NYAP2: variants seen among roughly 807,000 people sequenced by gnomAD.
NYAP2 encodes neuronal tyrosine-phosphorylated phosphoinositide-3-kinase adapter 2.
NYAP2 carries 23 observed loss-of-function variants against 50.4 expected under a neutral mutation model. That is an observed-to-expected ratio of 0.46 (90% CI 0.33 to 0.65). The LOEUF is 0.65. Among genes scored for constraint, NYAP2 ranks in the 30% least tolerant of loss-of-function variants. NYAP2 has a pLI of 0.02. For synonymous variants in NYAP2, 394 were observed against 365.2 expected, an observed-to-expected ratio of 1.08 and a Z score of -0.90; for missense variants, 885 against 861.0, an observed-to-expected ratio of 1.03 and a Z score of -0.35.
chr2:225,421,952 GT>G (rs990147029), intron 3 of NYAP2, among the ~76,000 whole-genome samples: 1 of 151,746 alleles, frequency 6.6e-6, no homozygotes, highest in Non-Finnish European at 1.5e-5. Context: ...TTCTTGATTT[GT>G]TTTTTTCTTC....
intron 4 of NYAP2, among the ~76,000 whole-genome samples, chr2:225,525,082 A>C (rs1194248749): frequency 1.3e-5 from 2 of 152,198 alleles, no homozygotes; most frequent in Non-Finnish European, 2.9e-5. Context: ...AAGTTAAAAA[A>C]TGGATGTTGG....
chr2:225,597,614 T>C (rs1692628225), intron 5 of NYAP2, among the ~76,000 whole-genome samples: 1 of 147,616 alleles, frequency 6.8e-6, no homozygotes, highest in Admixed American at 6.9e-5. Context: ...TGTGCTGCTA[T>C]AAACATGTGT....
chr2:225,656,440 C>T (rs962508751), downstream of NYAP2, among the ~76,000 whole-genome samples: 4 of 152,198 alleles, frequency 2.6e-5, no homozygotes, highest in African/African-American at 4.8e-5. Context: ...CCCCTGGCCT[C>T]TCACCAAGCT....
At chr2:225,401,136 TAGTTAGGGATACTTAATGCTGA>T (rs899714062) in intron 2 of NYAP2, 93 bp downstream of exon 2, 1 of 152,498 alleles carries the variant, frequency 6.6e-6, no homozygotes, top group African/African-American at 2.4e-5. Flanking sequence ...GAATGGATTT[TAGTTAGGGATACTTAATGCTGA>T]AGTTTGCATG....
At chr2:225,525,518 A>C (rs1691135485) in intron 4 of NYAP2, among the ~76,000 whole-genome samples, 1 of 152,120 alleles carries the variant, frequency 6.6e-6, no homozygotes, top group Non-Finnish European at 1.5e-5. Flanking sequence ...ATAACTCAGA[A>C]ACAGGAAGTC....
intron 3 of NYAP2, among the ~76,000 whole-genome samples, chr2:225,476,857 T>C (rs1690116938): frequency 6.6e-6 from 1 of 152,214 alleles, no homozygotes; most frequent in African/African-American, 2.4e-5. Flanking sequence ...AGTTTCAGTA[T>C]GTTACCTTTG....
chr2:225,542,954 G>T (rs569879096), intron 4 of NYAP2, among the ~76,000 whole-genome samples: 3 of 151,926 alleles, frequency 2.0e-5, no homozygotes, highest in Non-Finnish European at 4.4e-5. Flanking sequence ...CTTGCAATTC[G>T]TCTGTTCAGT....
In NYAP2 at chr2:225,521,485, G is replaced by C. The variant is rs556452842; in HGVS notation, c.523+7813G>C. ...TTTATTGAGAGTTTTTAGCATGAAG[G>C]GTTGTTGAATTTTGTCGAAGGCCTT... On this transcript the variant is annotated intron_variant, in intron 4 of 6. Transcript: ENST00000636099. Among the ~76,000 whole-genome samples, 55 of 151,984 alleles carry C rather than the reference G, an allele frequency of 3.6e-4. 1 individual carries two copies. In the South Asian group the frequency reaches 7.9e-3, roughly 22 times the overall value.
At chr2:225,436,903 G>A (rs529496141) in intron 3 of NYAP2, among the ~76,000 whole-genome samples, 2 of 152,102 alleles carry the variant, frequency 1.3e-5, no homozygotes, top group Admixed American at 6.5e-5. Flanking sequence ...CCATATCAGA[G>A]CCTCATTCCT....
intron 5 of NYAP2, among the ~76,000 whole-genome samples, chr2:225,615,638 C>T (rs914007560): frequency 6.6e-6 from 1 of 152,118 alleles, no homozygotes; most frequent in Non-Finnish European, 1.5e-5. Context: ...GGTGTAGGTA[C>T]TCCCGATGCA....
chr2:225,620,970 C>T (rs1053729253), intron 5 of NYAP2, among the ~76,000 whole-genome samples: 1 of 151,888 alleles, frequency 6.6e-6, no homozygotes, highest in African/African-American at 2.4e-5. Flanking sequence ...AAAAATTAGC[C>T]GGGCATGGTG....
intron 3 of NYAP2, among the ~76,000 whole-genome samples, chr2:225,487,237 G>A (rs1236387729): frequency 6.6e-6 from 1 of 152,230 alleles, no homozygotes; most frequent in African/African-American, 2.4e-5. Context: ...GGAGTGGACA[G>A]TGCACATACA....
At chr2:225,496,574 C>G (rs1559195754) in intron 3 of NYAP2, among the ~76,000 whole-genome samples, 1 of 151,942 alleles carries the variant, frequency 6.6e-6, no homozygotes, top group East Asian at 1.9e-4. Flanking sequence ...ATGGAAAAAA[C>G]AAAAACAAAA....
chr2:225,437,129 A>G (rs973649808), intron 3 of NYAP2, among the ~76,000 whole-genome samples: 10 of 152,038 alleles, frequency 6.6e-5, no homozygotes, highest in Non-Finnish European at 1.5e-4. Context: ...AATTAGAATA[A>G]TCTTGTTATT....
chr2:225,609,056 T>C (rs1574707118), intron 5 of NYAP2, among the ~76,000 whole-genome samples: 1 of 152,152 alleles, frequency 6.6e-6, no homozygotes, highest in East Asian at 1.9e-4. Flanking sequence ...CTTTACTTCT[T>C]GTCATATTCT....
chr2:225,583,214 C>T (rs948930206), intron 5 of NYAP2, among the ~76,000 whole-genome samples, 179 bp downstream of exon 5: 1 of 152,094 alleles, frequency 6.6e-6, no homozygotes, highest in Admixed American at 6.6e-5. Context: ...AATAGTGTAT[C>T]CTGAAAGTAT....
At chr2:225,398,388 A>C (rs1180662678), upstream of NYAP2, among the ~76,000 whole-genome samples, 1 of 152,048 alleles carries the variant, frequency 6.6e-6, no homozygotes, top group African/African-American at 2.4e-5. Flanking sequence ...CAAAATTATC[A>C]GTCATGATAA....
At chr2:225,637,963 G>A (rs1031145736) in intron 6 of NYAP2, among the ~76,000 whole-genome samples, 1 of 152,178 alleles carries the variant, frequency 6.6e-6, no homozygotes, top group South Asian at 2.1e-4. Flanking sequence ...CAGAAGCAGA[G>A]CTTGCAAAGG....
At chr2:225,435,389 T>C (rs1189618327) in intron 3 of NYAP2, among the ~76,000 whole-genome samples, 14 of 152,024 alleles carry the variant, frequency 9.2e-5, no homozygotes, top group Admixed American at 9.2e-4. Context: ...TGAAAGTGAG[T>C]TGAAATGGAA....
Sources: allele counts gnomAD v4.1 joint callset (sites outside exome capture counted in the v4.1 genomes callset), GRCh38; gene constraint gnomAD v4.1.1; transcripts MANE v1.5; gene names NCBI Gene and HGNC (gene_info 2026-07-23, HGNC 2026-07-21).